SMARCAD1: variants seen among roughly 807,000 people sequenced by gnomAD.
The protein encoded by SMARCAD1 is SWI/SNF-related matrix-associated actin-dependent regulator of chromatin subfamily A containing DEAD/H box 1.
In SMARCAD1, 25 loss-of-function variants were observed where a neutral mutation model predicts 127.1. That is an observed-to-expected ratio of 0.20 (90% CI 0.14 to 0.27). SMARCAD1 has a LOEUF of 0.27. Among genes scored for constraint, SMARCAD1 ranks in the 10% least tolerant of loss-of-function variants. The pLI is 1.00. For missense variants in SMARCAD1, 807 were observed against 1,206.0 expected, an observed-to-expected ratio of 0.67 and a Z score of 4.90; for synonymous variants, 400 against 396.9, an observed-to-expected ratio of 1.01 and a Z score of -0.09.
intron 10 of SMARCAD1, among the ~76,000 whole-genome samples, chr4:94,269,493 G>GTTTTTT (rs75891233): frequency 7.2e-6 from 1 of 139,214 alleles, no homozygotes. Context: ...GGCAAATTAA[G>GTTTTTT]TTTTTTTTTT....
intron 2 of SMARCAD1, among the ~76,000 whole-genome samples, chr4:94,222,337 T>G (rs1744274163): frequency 6.6e-6 from 1 of 152,190 alleles, no homozygotes; most frequent in Non-Finnish European, 1.5e-5. Context: ...ATGGTAAGTA[T>G]CAGAGATACA....
intron 9 of SMARCAD1, among the ~76,000 whole-genome samples, chr4:94,259,873 A>C (rs1013066755): frequency 2.6e-5 from 4 of 152,216 alleles, no homozygotes; most frequent in Admixed American, 1.3e-4. Flanking sequence ...ATAATGTCTT[A>C]ATATCAAAAT....
In SMARCAD1 at chr4:94,253,020, TC is replaced by T; in HGVS notation, c.1281+14del. On this transcript the variant is annotated intron_variant, in intron 9 of 23. Coordinates refer to ENST00000354268, the MANE Select transcript of SMARCAD1 (RefSeq NM_020159.5). ...TTGGGAGGCTCTGGTAAGGCTTTAT[TC>T]TTTTTTTCCCCTTGTATGTGTGTGT... 6.2e-7 allele frequency: 1 copy of T among 1,609,416 alleles called. No homozygotes were observed. Among genetic ancestry groups the T allele is most frequent in the Non-Finnish European group, 8.5e-7 (1 of 1,179,984 alleles).
At chr4:94,255,484 AAAC>A (rs1749929121) in intron 9 of SMARCAD1, among the ~76,000 whole-genome samples, 1 of 151,980 alleles carries the variant, frequency 6.6e-6, no homozygotes, top group African/African-American at 2.4e-5. Context: ...GTGCCTTTTA[AAAC>A]AACATTTGAA....
At chr4:94,235,878 T>G (rs1010294666) in intron 4 of SMARCAD1, among the ~76,000 whole-genome samples, 4 of 152,246 alleles carry the variant, frequency 2.6e-5, no homozygotes, top group Admixed American at 1.3e-4. Flanking sequence ...AAAATAAGAT[T>G]GATATGCATA....
chr4:94,244,771 CTTAACT>C (rs1382835651), intron 6 of SMARCAD1, among the ~76,000 whole-genome samples: 2 of 147,184 alleles, frequency 1.4e-5, no homozygotes, highest in African/African-American at 5.2e-5. Context: ...AAAAAAAAAA[CTTAACT>C]TTAAAAATTC....
At chr4:94,262,288 A>G (rs991430512) in intron 9 of SMARCAD1, among the ~76,000 whole-genome samples, 2 of 152,188 alleles carry the variant, frequency 1.3e-5, no homozygotes, top group African/African-American at 4.8e-5. Context: ...TTTAATCTCA[A>G]TAGATGGTAC....
intron 10 of SMARCAD1, among the ~76,000 whole-genome samples, chr4:94,270,332 T>C (rs1210462999): frequency 6.6e-6 from 1 of 152,112 alleles, no homozygotes; most frequent in Non-Finnish European, 1.5e-5. Flanking sequence ...ATTATGTTTG[T>C]GTTTTTTTGT....
chr4:94,255,199 A>G (rs1191755571), intron 9 of SMARCAD1, among the ~76,000 whole-genome samples: 1 of 152,092 alleles, frequency 6.6e-6, no homozygotes, highest in Non-Finnish European at 1.5e-5. Context: ...TATATTAAGA[A>G]CAACCTGCTA....
At position 94,261,067 on chromosome 4, in the gene SMARCAD1, A is replaced by G. The variant is rs556786172; in HGVS notation, c.1282-3640A>G. ...ATGACAGATTAGATCACAATATGCT[A>G]ATTTTTTCAGAGTTACCTCTCGTGT... On this transcript the variant is annotated intron_variant, in intron 9 of 23. Coordinates refer to ENST00000354268, the MANE Select transcript of SMARCAD1 (RefSeq NM_020159.5). 1.2e-4 allele frequency among the ~76,000 whole-genome samples: 19 copies of G among 152,206 alleles called. No individual in the cohort carries two copies. The South Asian group carries it at 3.3e-3, about 27-fold the overall frequency.
Position 94,225,853 on chromosome 4 carries a change from A to G in SMARCAD1, c.191-266A>G, listed in dbSNP as rs558909789. 2.6e-5 allele frequency among the ~76,000 whole-genome samples: 4 copies of G among 152,354 alleles called. No homozygotes were observed. The South Asian group carries it at 8.3e-4, about 32-fold the overall frequency. On this transcript the variant is annotated intron_variant, in intron 2 of 23. Transcript: ENST00000354268. ...CCTAAGTGCTACAAAGTAAAAGTAC[A>G]AGAGGAAAGTATTAGAATATAAAAC...
At chr4:94,228,764 TTC>T (rs1745395579) in intron 3 of SMARCAD1, among the ~76,000 whole-genome samples, 1 of 152,196 alleles carries the variant, frequency 6.6e-6, no homozygotes, top group Admixed American at 6.5e-5. Context: ...GGACCATATT[TTC>T]AGTAGTACTT....
chr4:94,227,000 G>C (rs1223178193), intron 3 of SMARCAD1, among the ~76,000 whole-genome samples: 2 of 151,938 alleles, frequency 1.3e-5, no homozygotes, highest in African/African-American at 2.4e-5. Flanking sequence ...CACCACACCT[G>C]GCTCGAGGGT....
rs763447174 is a variant in SMARCAD1, at chr4:94,252,812, A to G, written c.1086A>G (p.Ser362=). The G allele has an allele frequency of 2.3e-5, 37 of 1,613,988 alleles. No individual in the cohort carries two copies. The highest frequency in any genetic ancestry group is 3.1e-5 in the Non-Finnish European group (36 of 1,179,984). ...KRVVEDSEYD[S]GSDVGSSLDE... The stretch of plus-strand genomic sequence containing the variant: ...TTGTTGAAGACTCTGAATATGATTC[A>G]GGTTCTGATGTCGGTAGTTCACTAG... The change falls in exon 9 of 24, where the codon TCA becomes TCG. Residue 362 remains serine, a synonymous_variant. Transcript: ENST00000354268.
chr4:94,270,583 T>C (rs1752415266), intron 10 of SMARCAD1, 145 bp from the exon 11 acceptor site: 1 of 640,400 alleles, frequency 1.6e-6, no homozygotes, highest in Non-Finnish European at 2.8e-6. Context: ...TTGGGTTCAT[T>C]TTTTTTAAGT....
At chr4:94,284,514 T>A (rs1040019983) in intron 22 of SMARCAD1, among the ~76,000 whole-genome samples, 4 of 151,462 alleles carry the variant, frequency 2.6e-5, no homozygotes, top group African/African-American at 9.7e-5. Flanking sequence ...TTCCCATGCC[T>A]TAGCCTCCCA....
chr4:94,272,127 T>C (rs1430174660), intron 11 of SMARCAD1, among the ~76,000 whole-genome samples: 1 of 152,212 alleles, frequency 6.6e-6, no homozygotes, highest in African/African-American at 2.4e-5. Flanking sequence ...TGTGGCCTTT[T>C]CTGTGTATGT....
At chr4:94,262,936 G>GA (rs58752878) in intron 9 of SMARCAD1, among the ~76,000 whole-genome samples, 54,460 of 143,764 alleles carry the variant, frequency 0.38, 11,083 homozygotes, top group East Asian at 0.71. Flanking sequence ...GTTGGTTACA[G>GA]AAAAAAAAAA....
chr4:94,280,084 C>T (rs1385846615), intron 19 of SMARCAD1, among the ~76,000 whole-genome samples: 4 of 152,176 alleles, frequency 2.6e-5, no homozygotes, highest in Middle Eastern at 6.8e-3. Flanking sequence ...AGGCTGGTCT[C>T]GAACTCCTGA....
Sources: allele counts gnomAD v4.1 joint callset (sites outside exome capture counted in the v4.1 genomes callset), GRCh38; gene constraint gnomAD v4.1.1; transcripts MANE v1.5; gene names NCBI Gene and HGNC (gene_info 2026-07-23, HGNC 2026-07-21).